GRID1: variants seen among roughly 807,000 people sequenced by gnomAD.
GRID1 encodes the protein glutamate ionotropic receptor delta type subunit 1.
GRID1 carries 28 observed loss-of-function variants against 98.0 expected under a neutral mutation model. The observed-to-expected ratio is 0.29, with a 90% CI of 0.21 to 0.39. The LOEUF (loss-of-function observed/expected upper bound fraction) is 0.39. GRID1 is among the 10% of genes least tolerant of loss of function. GRID1 has a pLI of 1.00. For missense variants in GRID1, 1,111 were observed against 1,340.5 expected (o/e 0.83, Z 2.67); for synonymous variants, 553 against 538.5 (o/e 1.03, Z -0.37).
intron 4 of GRID1, among the ~76,000 whole-genome samples, chr10:86,048,055 T>G (rs571490614): frequency 4.6e-5 from 7 of 152,136 alleles, no homozygotes; most frequent in Non-Finnish European, 8.8e-5. Flanking sequence ...GACCTCAAGT[T>G]CACCATCCTT....
chr10:86,208,248 C>A (rs534925481), intron 2 of GRID1, among the ~76,000 whole-genome samples: 1 of 152,182 alleles, frequency 6.6e-6, no homozygotes, highest in African/African-American at 2.4e-5. Flanking sequence ...CCAAATCCTA[C>A]GGTTCTCTCC....
chr10:86,101,757 A>G (rs927083727), intron 4 of GRID1, among the ~76,000 whole-genome samples: 1 of 151,528 alleles, frequency 6.6e-6, no homozygotes, highest in African/African-American at 2.4e-5. Flanking sequence ...CTCCCACCTA[A>G]GCCTTCTGAG....
At chr10:85,744,104 T>C (rs750022166) in intron 8 of GRID1, among the ~76,000 whole-genome samples, 79 of 152,262 alleles carry the variant, frequency 5.2e-4, no homozygotes, top group Non-Finnish European at 8.8e-4. Flanking sequence ...TGTGGACCCA[T>C]GAAATGAAGG....
intron 8 of GRID1, among the ~76,000 whole-genome samples, chr10:85,850,479 A>G (rs534802206): frequency 7.9e-4 from 120 of 152,342 alleles, no homozygotes; most frequent in African/African-American, 2.8e-3. Flanking sequence ...GCTGCCAGGC[A>G]TAGAAGGGGA....
chr10:85,734,558 G>GA (rs891519170), intron 8 of GRID1, among the ~76,000 whole-genome samples: 12 of 151,892 alleles, frequency 7.9e-5, no homozygotes, highest in Admixed American at 5.9e-4. Context: ...GATAAAGCAA[G>GA]AAAAAAAATA....
chr10:86,088,695 A>G (rs529989123), intron 4 of GRID1, among the ~76,000 whole-genome samples: 2 of 152,306 alleles, frequency 1.3e-5, no homozygotes, highest in Non-Finnish European at 2.9e-5. Flanking sequence ...ACTAAGTACA[A>G]CTAAAAAGCC....
chr10:85,886,844 G>A lies in GRID1; in HGVS notation c.781-17664C>T, dbSNP rs185004723. 3.1e-4 allele frequency among the ~76,000 whole-genome samples: 47 copies of A among 152,150 alleles called. No individual in the cohort carries two copies. The East Asian group carries it at 7.1e-3, about 23-fold the overall frequency. On this transcript the variant is annotated intron_variant, in intron 5 of 15. Coordinates refer to ENST00000327946, the MANE Select transcript of GRID1 (RefSeq NM_017551.3). ...CTTCAGTAAAATTTTGGAAAGTTCC[G>A]ATATCAGAGAAAAATATTATTAAAC...
intron 2 of GRID1, among the ~76,000 whole-genome samples, chr10:86,314,594 G>A (rs915226888): frequency 8.5e-5 from 13 of 152,212 alleles, no homozygotes; most frequent in African/African-American, 2.9e-4. Context: ...GGTGGCACAG[G>A]TGCCCTTAGA....
At chr10:86,252,286 C>G (rs952067007) in intron 2 of GRID1, among the ~76,000 whole-genome samples, 4 of 152,206 alleles carry the variant, frequency 2.6e-5, no homozygotes, top group African/African-American at 9.7e-5. Flanking sequence ...TTCCTTCAGC[C>G]TCGGGCTGTC....
intron 4 of GRID1, among the ~76,000 whole-genome samples, chr10:86,088,612 T>C (rs1844099329): frequency 6.6e-6 from 1 of 152,164 alleles, no homozygotes; most frequent in South Asian, 2.1e-4. Context: ...GGGTTCATGG[T>C]TGAGGGCAGG....
intron 1 of GRID1, among the ~76,000 whole-genome samples, chr10:86,364,901 C>G (rs1206295714): frequency 6.6e-6 from 1 of 152,248 alleles, no homozygotes. Flanking sequence ...GCTTTGTGCG[C>G]CTAGCACAGC....
At chr10:85,639,235 C>T (rs1843085555) in intron 13 of GRID1, among the ~76,000 whole-genome samples, 4 of 151,636 alleles carry the variant, frequency 2.6e-5, no homozygotes, top group Admixed American at 2.6e-4. Flanking sequence ...ATCATTCCCA[C>T]ACACACAAAA....
At chr10:86,240,541 C>T (rs553910592) in intron 2 of GRID1, among the ~76,000 whole-genome samples, 10 of 147,490 alleles carry the variant, frequency 6.8e-5, no homozygotes, top group Admixed American at 5.5e-4. Flanking sequence ...GGCTATTGTA[C>T]GCAAGAGGGC....
intron 12 of GRID1, among the ~76,000 whole-genome samples, chr10:85,699,063 GT>G (rs1002945397): frequency 2.6e-5 from 4 of 151,454 alleles, no homozygotes; most frequent in Admixed American, 1.3e-4. Context: ...TTTTTGTTTT[GT>G]TTTTTTGAGA....
chr10:86,046,746 C>T (rs1054237582), intron 4 of GRID1, among the ~76,000 whole-genome samples: 3 of 151,892 alleles, frequency 2.0e-5, no homozygotes, highest in Admixed American at 2.0e-4. Context: ...AGTTGCTCAT[C>T]TCTGGACAAT....
intron 2 of GRID1, among the ~76,000 whole-genome samples, chr10:86,290,107 T>C (rs958670074): frequency 3.3e-5 from 5 of 152,254 alleles, no homozygotes; most frequent in Non-Finnish European, 7.3e-5. Context: ...ATTCCCTTTT[T>C]TACTTAAACA....
At position 85,790,961 on chromosome 10, in the gene GRID1, T is replaced by A. The variant is rs1444302228; in HGVS notation, c.1234-61347A>T. ...TTTGGTTCTAGCCTTCCTGAGGGCC[T>A]GGGGGCAACACACTCTACTGCCTCC... On this transcript the variant is annotated intron_variant, in intron 8 of 15. Transcript: ENST00000327946. Among the ~76,000 whole-genome samples, 4 of 152,286 alleles carry A rather than the reference T, an allele frequency of 2.6e-5. No homozygotes were observed. The East Asian group carries it at 7.7e-4, about 29-fold the overall frequency.
intron 3 of GRID1, 135 bp from the exon 4 acceptor site, chr10:86,139,159 T>C (rs1452182500): frequency 3.0e-6 from 2 of 658,932 alleles, no homozygotes; most frequent in African/African-American, 3.6e-5. Flanking sequence ...GCCTCAGTGA[T>C]TCCCGTAAAC....
At chr10:85,881,755 A>C (rs1841029579) in intron 5 of GRID1, among the ~76,000 whole-genome samples, 1 of 152,206 alleles carries the variant, frequency 6.6e-6, no homozygotes, top group Admixed American at 6.5e-5. Context: ...AATGGCAACA[A>C]AAGCCAAAAT....
Sources: allele counts gnomAD v4.1 joint callset (sites outside exome capture counted in the v4.1 genomes callset), GRCh38; gene constraint gnomAD v4.1.1; transcripts MANE v1.5; gene names NCBI Gene and HGNC (gene_info 2026-07-23, HGNC 2026-07-21).